The following NBAS variants were observed in gnomAD, a reference collection of about 807,000 sequenced individuals.
The protein encoded by NBAS is NAG/BC035112 fusion.
Under a neutral mutation model 302.5 loss-of-function variants are expected in NBAS, and 219 were observed. The observed-to-expected ratio is 0.72, with a 90% confidence interval of 0.65 to 0.81. The LOEUF (loss-of-function observed/expected upper bound fraction) is 0.81. NBAS is among the 30% of genes least tolerant of loss of function. The pLI is 0.00. For missense variants in NBAS, 2,932 were observed against 2,841.6 expected (o/e 1.03, Z -0.72); for synonymous variants, 1,118 against 1,021.6 (o/e 1.09, Z -1.80).
At chr2:15,376,466 T>C (rs1341597783) in intron 30 of NBAS, among the ~76,000 whole-genome samples, 2 of 152,222 alleles carry the variant, frequency 1.3e-5, no homozygotes, top group African/African-American at 4.8e-5. Flanking sequence ...GACTATTTGG[T>C]ATTTTCATCA....
the NBAS span, among the ~76,000 whole-genome samples, chr2:14,995,010 A>G: frequency 6.6e-6 from 1 of 151,966 alleles, no homozygotes; most frequent in East Asian, 1.9e-4. Flanking sequence ...TCTACCTCTC[A>G]GAGATTCTGA....
At chr2:15,112,125 T>A in the NBAS span, among the ~76,000 whole-genome samples, 1 of 150,842 alleles carries the variant, frequency 6.6e-6, no homozygotes, top group African/African-American at 2.4e-5. Flanking sequence ...ATCTGCAAAA[T>A]AGATAAAAAT....
chr2:15,244,550 C>T (rs1668002921), intron 44 of NBAS, among the ~76,000 whole-genome samples: 1 of 152,206 alleles, frequency 6.6e-6, no homozygotes, highest in African/African-American at 2.4e-5. Flanking sequence ...GTCTCCCTTT[C>T]CAAGGTGAGC....
chr2:15,454,310 A>AT (rs1256698296), intron 21 of NBAS, among the ~76,000 whole-genome samples: 1 of 152,158 alleles, frequency 6.6e-6, no homozygotes, highest in Admixed American at 6.5e-5. Context: ...GATATGGAAA[A>AT]ATAGAGTTTA....
chr2:14,790,065 T>C, the NBAS span, among the ~76,000 whole-genome samples: 10 of 152,130 alleles, frequency 6.6e-5, no homozygotes, highest in African/African-American at 2.2e-4. Flanking sequence ...ACAACACCAC[T>C]GAAGAAACCA....
chr2:15,239,001 T>G (rs1176400605), intron 44 of NBAS, among the ~76,000 whole-genome samples: 1 of 152,122 alleles, frequency 6.6e-6, no homozygotes, highest in Admixed American at 6.5e-5. Context: ...TTCCCAGTTC[T>G]GATCACTTAT....
At chr2:15,518,505 T>C (rs1412026049) in intron 9 of NBAS, among the ~76,000 whole-genome samples, 1 of 152,196 alleles carries the variant, frequency 6.6e-6, no homozygotes, top group Admixed American at 6.5e-5. Flanking sequence ...GCAAATATTT[T>C]CAAATTATCC....
the NBAS span, among the ~76,000 whole-genome samples, chr2:14,930,626 GA>G: frequency 1.3e-5 from 2 of 152,190 alleles, no homozygotes; most frequent in African/African-American, 4.8e-5. Flanking sequence ...GTTGCTACCA[GA>G]TGCCCATATG....
the NBAS span, among the ~76,000 whole-genome samples, chr2:15,031,886 C>A: frequency 6.6e-6 from 1 of 152,178 alleles, no homozygotes. Context: ...CAGGGAGGGC[C>A]TCCTGAAAGC....
chr2:14,967,351 G>C, the NBAS span, among the ~76,000 whole-genome samples: 9 of 152,070 alleles, frequency 5.9e-5, no homozygotes, highest in Admixed American at 1.3e-4. Context: ...CTTTGAAAAA[G>C]AGCAAAGTTG....
the NBAS span, among the ~76,000 whole-genome samples, chr2:15,147,808 AT>A: frequency 5.3e-5 from 8 of 152,020 alleles, no homozygotes; most frequent in Non-Finnish European, 1.2e-4. Context: ...TAATTATCAC[AT>A]CAGTTCATGA....
the NBAS span, among the ~76,000 whole-genome samples, chr2:15,145,528 G>T: frequency 6.6e-6 from 1 of 151,828 alleles, no homozygotes; most frequent in Non-Finnish European, 1.5e-5. Context: ...TTGAGACCTG[G>T]TCACTGTGAG....
At chr2:15,352,738 C>T (rs1673424752) in intron 34 of NBAS, among the ~76,000 whole-genome samples, 1 of 152,106 alleles carries the variant, frequency 6.6e-6, no homozygotes, top group Non-Finnish European at 1.5e-5. Flanking sequence ...ACAGGTCATA[C>T]GCCAGTGAAA....
chr2:15,172,169 T>C (rs1664328242), intron 51 of NBAS, among the ~76,000 whole-genome samples: 1 of 152,250 alleles, frequency 6.6e-6, no homozygotes, highest in African/African-American at 2.4e-5. Flanking sequence ...TAGGTGTTAA[T>C]ATTTTGATAG....
chr2:15,271,915 C>G (rs1669342493), intron 44 of NBAS, among the ~76,000 whole-genome samples: 1 of 152,032 alleles, frequency 6.6e-6, no homozygotes, highest in South Asian at 2.1e-4. Context: ...TCAACAACAA[C>G]AACAACAAAA....
chr2:14,963,374 CT>C, the NBAS span, among the ~76,000 whole-genome samples: 2 of 152,204 alleles, frequency 1.3e-5, no homozygotes, highest in African/African-American at 2.4e-5. Flanking sequence ...AACAGCAGTG[CT>C]GAGTGGTTAA....
At chr2:15,319,545 T>TA (rs1671692738) in intron 38 of NBAS, among the ~76,000 whole-genome samples, 1 of 151,184 alleles carries the variant, frequency 6.6e-6, no homozygotes, top group Non-Finnish European at 1.5e-5. Flanking sequence ...ACAGATGCAA[T>TA]AAAAAATGAT....
chr2:15,033,396 A>G, the NBAS span, among the ~76,000 whole-genome samples: 1 of 125,134 alleles, frequency 8.0e-6, no homozygotes, highest in Non-Finnish European at 1.8e-5. Context: ...TTTGGATGAT[A>G]TTTAAATAAG....
intron 44 of NBAS, among the ~76,000 whole-genome samples, chr2:15,265,097 T>C (rs1036766290): frequency 4.6e-5 from 7 of 152,212 alleles, no homozygotes; most frequent in African/African-American, 1.7e-4. Flanking sequence ...TTGGGCCAAA[T>C]TAACTTTCCA....
Sources: gnomAD v4.1 joint callset for allele counts (sites outside exome capture counted in the v4.1 genomes callset) on GRCh38, gnomAD v4.1.1 for gene constraint, MANE v1.5 for transcripts, NCBI Gene and HGNC (gene_info 2026-07-23, HGNC 2026-07-21) for gene names.